PYROXD2: variants seen among roughly 807,000 people sequenced by gnomAD.
PYROXD2 encodes the protein pyridine nucleotide-disulfide oxidoreductase domain-containing protein 2.
Under a neutral mutation model 71.1 loss-of-function variants are expected in PYROXD2, and 69 were observed. That is an observed-to-expected ratio of 0.97 (90% CI 0.80 to 1.19). The LOEUF (loss-of-function observed/expected upper bound fraction) is 1.19. PYROXD2 is among the 50% of genes most tolerant of loss of function. PYROXD2 has a pLI of 0.00. For synonymous variants in PYROXD2, 287 were observed against 302.7 expected (o/e 0.95, Z 0.54); for missense variants, 745 against 748.9 (o/e 0.99, Z 0.06).
chr10:98,389,527 G>A (rs910644523), intron 12 of PYROXD2, among the ~76,000 whole-genome samples: 4 of 152,092 alleles, frequency 2.6e-5, no homozygotes, highest in African/African-American at 7.2e-5. Context: ...AGCACCATCC[G>A]AGACCCTTCA....
At chr10:98,398,857 C>T (rs1261990160) in intron 5 of PYROXD2, among the ~76,000 whole-genome samples, 6 of 151,966 alleles carry the variant, frequency 3.9e-5, no homozygotes, top group Admixed American at 2.6e-4. Context: ...CTCCTCAGGC[C>T]GGGTGTGGTG....
At chr10:98,391,577 C>T (rs1842946129) in intron 10 of PYROXD2, among the ~76,000 whole-genome samples, 1 of 152,070 alleles carries the variant, frequency 6.6e-6, no homozygotes, top group East Asian at 1.9e-4. Context: ...GCAAAAACTG[C>T]CCCCAAAGCT....
At chr10:98,391,627 G>A (rs752933626) in intron 10 of PYROXD2, among the ~76,000 whole-genome samples, 15 of 152,102 alleles carry the variant, frequency 9.9e-5, no homozygotes, top group Non-Finnish European at 1.5e-4. Flanking sequence ...GTGTAACCTT[G>A]CAGTGCTCTC....
intron 12 of PYROXD2, among the ~76,000 whole-genome samples, chr10:98,389,156 A>G (rs548855446): frequency 9.1e-4 from 138 of 151,912 alleles, no homozygotes; most frequent in African/African-American, 3.2e-3. Flanking sequence ...TCAAACCCCA[A>G]TGCCTGATTA....
intron 4 of PYROXD2, among the ~76,000 whole-genome samples, chr10:98,403,023 G>C (rs1017119864): frequency 1.3e-5 from 2 of 152,218 alleles, no homozygotes; most frequent in Non-Finnish European, 2.9e-5. Flanking sequence ...CCAAAAACAG[G>C]CTTTTCCAAC....
chr10:98,391,196 C>G, intron 10 of PYROXD2, 114 bp from the exon 11 acceptor site: 2 of 745,336 alleles, frequency 2.7e-6, no homozygotes, highest in Non-Finnish European at 4.7e-6. Context: ...TCCTCTTCAT[C>G]CTTCAAAGCT....
At chr10:98,411,340 C>T (rs1217911318) in intron 1 of PYROXD2, 7 of 263,976 alleles carry the variant, frequency 2.7e-5, no homozygotes, top group Middle Eastern at 1.1e-3. Flanking sequence ...GGGTGGCTGG[C>T]ATGCTGCTGC....
chr10:98,410,582 C>T (rs1026700183), intron 2 of PYROXD2: 4 of 300,546 alleles, frequency 1.3e-5, no homozygotes, highest in Non-Finnish European at 2.5e-5. Flanking sequence ...GCCCCCACCC[C>T]GCCCCAGGTG....
chr10:98,408,043 A>T, intron 2 of PYROXD2, 46 bp from the exon 3 acceptor site: 1 of 1,550,848 alleles, frequency 6.4e-7, no homozygotes, highest in Non-Finnish European at 8.7e-7. Flanking sequence ...ATCCCTCTGA[A>T]ATGTCAGGGC....
At position 98,414,999 on chromosome 10, in the gene PYROXD2, A is replaced by G; in HGVS notation, c.127+10T>C. The G allele has an allele frequency of 6.2e-7, 1 of 1,602,566 alleles. No homozygotes were observed. The highest frequency in any genetic ancestry group is 2.2e-5 in the East Asian group (1 of 44,676). ...CCTCAGCTCTGGCCCGGCCTGCTTTACCACTTTACCTGCTCCTATCACCAC... is the reference window on the plus strand; with the variant it reads ...CCTCAGCTCTGGCCCGGCCTGCTTTGCCACTTTACCTGCTCCTATCACCAC... On this transcript the variant is annotated intron_variant, in intron 1 of 15. Coordinates refer to ENST00000370575, the MANE Select transcript of PYROXD2 (RefSeq NM_032709.3).
chr10:98,400,313 T>A, intron 4 of PYROXD2, 56 bp from the exon 5 acceptor site: 2 of 1,516,280 alleles, frequency 1.3e-6, no homozygotes, highest in Non-Finnish European at 1.8e-6. Context: ...TCTCTGCCCA[T>A]CATCTTTCTC....
At chr10:98,414,246 C>T (rs1033593381) in intron 1 of PYROXD2, 8 of 152,046 alleles carry the variant, frequency 5.3e-5, no homozygotes, top group African/African-American at 1.5e-4. Flanking sequence ...CTTTCGGTCC[C>T]GTCATTATCT....
intron 14 of PYROXD2, among the ~76,000 whole-genome samples, chr10:98,386,899 G>A (rs1434270827): frequency 6.6e-6 from 1 of 152,090 alleles, no homozygotes; most frequent in Non-Finnish European, 1.5e-5. Context: ...TGAGAAGGGG[G>A]TGCTCTCTCT....
rs772261311 is a variant in PYROXD2 at position 98,407,577 on chromosome 10, C to G, written c.315+5G>C. ...CGTGCAATCGGGCCGGCGGGGGGGC[C>G]CTACCTTCAGCTCCAGATCAGTGTA... On this transcript the variant is annotated splice_donor_5th_base_variant and intron_variant, in intron 4 of 15. Coordinates refer to ENST00000370575, the MANE Select transcript of PYROXD2 (RefSeq NM_032709.3). 8 of 1,613,552 alleles carry G rather than the reference C, an allele frequency of 5.0e-6. No individual in the cohort carries two copies. Among genetic ancestry groups the G allele is most frequent in the Non-Finnish European group, 6.8e-6 (8 of 1,179,974 alleles).
At chr10:98,413,506 G>T (rs1843858322) in intron 1 of PYROXD2, among the ~76,000 whole-genome samples, 1 of 152,124 alleles carries the variant, frequency 6.6e-6, no homozygotes, top group African/African-American at 2.4e-5. Flanking sequence ...ACAAGGCCAG[G>T]AGTTTGAGAT....
intron 10 of PYROXD2, among the ~76,000 whole-genome samples, chr10:98,392,042 A>T (rs7097824): frequency 0.44 from 66,625 of 152,074 alleles, 15,349 homozygotes; most frequent in African/African-American, 0.56. Flanking sequence ...GCCCAGAAGT[A>T]TTGTGGCTCT....
At chr10:98,407,097 C>T (rs1426102107) in intron 4 of PYROXD2, among the ~76,000 whole-genome samples, 1 of 151,816 alleles carries the variant, frequency 6.6e-6, no homozygotes, top group East Asian at 1.9e-4. Flanking sequence ...AGGTTGTGGA[C>T]AAAGGTCAGC....
intron 12 of PYROXD2, 50 bp downstream of exon 12, chr10:98,390,548 C>T (rs756784147): frequency 6.6e-7 from 1 of 1,517,354 alleles, no homozygotes; most frequent in East Asian, 2.3e-5. Flanking sequence ...GCCCCGCCTC[C>T]CAGGCCCATG....
At position 98,400,334 on chromosome 10, in the gene PYROXD2, T is replaced by G. The variant is rs944429820; in HGVS notation, c.316-77A>C. On this transcript the variant is annotated intron_variant, in intron 4 of 15. Transcript: ENST00000370575. Reference sequence around the variant, plus strand: ...CCCATCATCTTTCTCCGATTGTGTTTGTGTGACCATTTAGGTACCTGTGTG... The same window carrying G: ...CCCATCATCTTTCTCCGATTGTGTTGGTGTGACCATTTAGGTACCTGTGTG... 4.9e-6 allele frequency: 7 copies of G among 1,417,870 alleles called. No individual in the cohort carries two copies. The African/African-American group carries it at 8.5e-5, about 17-fold the overall frequency. 87.8% of individuals were successfully genotyped at this position (1,417,870 alleles called of 1,614,324 possible).
Sources: gnomAD v4.1 joint callset for allele counts (sites outside exome capture counted in the v4.1 genomes callset) on GRCh38, gnomAD v4.1.1 for gene constraint, MANE v1.5 for transcripts, NCBI Gene and HGNC (gene_info 2026-07-23, HGNC 2026-07-21) for gene names.